SNX7: variants seen among roughly 807,000 people sequenced by gnomAD.
SNX7 encodes the protein sorting nexin-7.
SNX7 carries 35 observed loss-of-function variants against 48.4 expected under a neutral mutation model. That is an observed-to-expected ratio of 0.72 (90% confidence interval 0.55 to 0.96). The LOEUF is 0.96. SNX7 is among the 40% of genes least tolerant of loss of function. The pLI is 0.00. For missense variants in SNX7, 553 were observed against 548.9 expected, an observed-to-expected ratio of 1.01 and a Z score of -0.07; for synonymous variants, 190 against 190.2, an observed-to-expected ratio of 1.00 and a Z score of 0.01.
chr1:98,759,214 G>GA (rs952668812), intron 8 of SNX7, among the ~76,000 whole-genome samples: 2,329 of 141,908 alleles, frequency 0.016, 26 homozygotes, highest in Non-Finnish European at 0.025. Flanking sequence ...ATCCACATTT[G>GA]AAAAAAAAAA....
intron 7 of SNX7, among the ~76,000 whole-genome samples, chr1:98,721,083 A>G (rs4611044): frequency 0.57 from 85,769 of 151,604 alleles, 25,032 homozygotes; most frequent in Non-Finnish European, 0.64. Flanking sequence ...CAGATTATTT[A>G]CTTGCACCTC....
intron 1 of SNX7, among the ~76,000 whole-genome samples, chr1:98,680,386 C>T (rs1263751449): frequency 6.6e-6 from 1 of 152,204 alleles, no homozygotes; most frequent in African/African-American, 2.4e-5. Context: ...ATGAAGACCT[C>T]TGGCATGCCC....
At chr1:98,714,892 G>C (rs763754796) in intron 7 of SNX7, among the ~76,000 whole-genome samples, 1 of 152,140 alleles carries the variant, frequency 6.6e-6, no homozygotes, top group Non-Finnish European at 1.5e-5. Flanking sequence ...GTGATTTGAT[G>C]TGTTACATGT....
At chr1:98,710,119 C>T (rs115428636) in intron 7 of SNX7, among the ~76,000 whole-genome samples, 2,081 of 152,210 alleles carry the variant, frequency 0.014, 60 homozygotes, top group African/African-American at 0.047. Context: ...AACCTGAACA[C>T]GGAATGACTC....
chr1:98,745,493 G>A (rs7535573), intron 8 of SNX7, among the ~76,000 whole-genome samples: 151,114 of 152,082 alleles, frequency 0.99, 75,081 homozygotes, highest in Middle Eastern at 1. Flanking sequence ...GTGCTAAAAT[G>A]GGCCTTCAGA....
intron 1 of SNX7, among the ~76,000 whole-genome samples, chr1:98,673,282 T>C (rs1392157414): frequency 1.3e-5 from 2 of 152,236 alleles, no homozygotes; most frequent in Non-Finnish European, 2.9e-5. Context: ...ATATTCTTCC[T>C]GCCTTGGGCC....
At position 98,746,253 on chromosome 1, in the gene SNX7, TCAGAGGAAGTCCCTGGG is replaced by T. The variant is rs1248367286; in HGVS notation, c.1278+7867_1278+7883del. 8.5e-5 allele frequency among the ~76,000 whole-genome samples: 13 copies of T among 152,216 alleles called. No homozygotes were observed. In the South Asian group the frequency reaches 2.7e-3, roughly 32 times the overall value. On this transcript the variant is annotated intron_variant, in intron 8 of 8. Transcript: ENST00000306121. ...TTTTAAAAATTGACTATTATAAATA[TCAGAGGAAGTCCCTGGG>T]CATAGTTCTTTGGGTCTCGAATTAT...
intron 1 of SNX7, among the ~76,000 whole-genome samples, chr1:98,675,526 C>T (rs9324397): frequency 0.88 from 133,850 of 152,088 alleles, 60,084 homozygotes; most frequent in Non-Finnish European, 0.96. Context: ...TCCCACTCCA[C>T]AAAAGGATGC....
chr1:98,699,083 C>T (rs1008435192), intron 6 of SNX7, among the ~76,000 whole-genome samples, 178 bp downstream of exon 6: 1 of 151,980 alleles, frequency 6.6e-6, no homozygotes, highest in African/African-American at 2.4e-5. Context: ...GGAAAGAATC[C>T]GTTGTTAAAA....
intron 2 of SNX7, among the ~76,000 whole-genome samples, chr1:98,686,550 C>G (rs1650810952): frequency 6.6e-6 from 1 of 152,046 alleles, no homozygotes; most frequent in Non-Finnish European, 1.5e-5. Context: ...ATTCCAAACA[C>G]AAATCTTAGG....
At chr1:98,720,907 A>G (rs1409553243) in intron 7 of SNX7, among the ~76,000 whole-genome samples, 1 of 152,100 alleles carries the variant, frequency 6.6e-6, no homozygotes, top group East Asian at 1.9e-4. Context: ...GACAGAAAAG[A>G]GATGAATGTC....
chr1:98,747,785 A>G (rs1168310307), intron 8 of SNX7, among the ~76,000 whole-genome samples: 2 of 152,080 alleles, frequency 1.3e-5, no homozygotes, highest in South Asian at 2.1e-4. Context: ...TTCTAAAGAA[A>G]CTTTAGAATC....
chr1:98,677,766 T>C (rs953337793), intron 1 of SNX7, among the ~76,000 whole-genome samples: 52 of 151,568 alleles, frequency 3.4e-4, no homozygotes, highest in African/African-American at 1.2e-3. Context: ...TAATCCCAGC[T>C]ACTCGGGAGT....
At chr1:98,746,283 G>A (rs922461168) in intron 8 of SNX7, among the ~76,000 whole-genome samples, 6 of 151,834 alleles carry the variant, frequency 4.0e-5, no homozygotes, top group African/African-American at 1.5e-4. Context: ...TAGTTCTTTG[G>A]GTCTCGAATT....
chr1:98,735,751 AT>A (rs1191207442), intron 7 of SNX7, among the ~76,000 whole-genome samples: 3 of 152,152 alleles, frequency 2.0e-5, no homozygotes, highest in Non-Finnish European at 2.9e-5. Flanking sequence ...AATGTATGTT[AT>A]TATTTTACCT....
rs760990772 is a variant in SNX7 at position 98,738,258 on chromosome 1, C to T, written c.1147C>T (p.Leu383Phe). 6.2e-7 allele frequency: 1 copy of T among 1,612,814 alleles called. No homozygotes were observed. Among genetic ancestry groups the T allele is most frequent in the South Asian group, 1.1e-5 (1 of 91,002 alleles). Residue 383 changes from leucine (L) to phenylalanine (F), a missense_variant, in exon 8 of 9, where the codon CTT (leucine) becomes TTT (phenylalanine). By Grantham distance (22) the Leu-to-Phe change is conservative. Coordinates refer to ENST00000306121, the MANE Select transcript of SNX7 (RefSeq NM_015976.5). ...TCAGCTTCCAGAGGAGATTGGAAAA[C>T]TTGAAGATAAAGTGGAATGTGCTAA... ...TDLLPEEIGK[L>F]EDKVECANNA...
chr1:98,695,012 G>A (rs1027598342), intron 4 of SNX7, among the ~76,000 whole-genome samples: 2 of 152,046 alleles, frequency 1.3e-5, no homozygotes, highest in Non-Finnish European at 2.9e-5. Context: ...GGTGAATTAC[G>A]TGTATTAAAA....
At chr1:98,668,833 T>A (rs1649682360) in intron 1 of SNX7, among the ~76,000 whole-genome samples, 1 of 152,208 alleles carries the variant, frequency 6.6e-6, no homozygotes, top group Non-Finnish European at 1.5e-5. Context: ...GATTTCTAAT[T>A]AAAGTTTCCA....
intron 1 of SNX7, among the ~76,000 whole-genome samples, chr1:98,679,984 TG>T (rs1223550224): frequency 6.6e-6 from 1 of 152,216 alleles, no homozygotes; most frequent in Non-Finnish European, 1.5e-5. Context: ...GGACTCTGTG[TG>T]GGGGCTCCAA....
Sources: allele counts gnomAD v4.1 joint callset (sites outside exome capture counted in the v4.1 genomes callset), GRCh38; gene constraint gnomAD v4.1.1; transcripts MANE v1.5; gene names NCBI Gene and HGNC (gene_info 2026-07-23, HGNC 2026-07-21).